PCDHA11: variants seen among roughly 807,000 people sequenced by gnomAD.
PCDHA11 encodes protocadherin alpha-11.
In PCDHA11, 61 loss-of-function variants were observed where a neutral mutation model predicts 70.3. The observed-to-expected ratio is 0.87, with a 90% CI of 0.71 to 1.07. The LOEUF is 1.07. Ranked by LOEUF, PCDHA11 falls within the 50% of genes least tolerant of loss-of-function variation. The pLI is 0.00. For synonymous variants in PCDHA11, 633 were observed against 555.1 expected (o/e 1.14, Z -1.97); for missense variants, 1,324 against 1,237.5 (o/e 1.07, Z -1.05).
At chr5:140,908,971 C>T (rs2074247509) in intron 1 of PCDHA11, among the ~76,000 whole-genome samples, 1 of 152,274 alleles carries the variant, frequency 6.6e-6, no homozygotes, top group Admixed American at 6.5e-5. Flanking sequence ...TGATAGGCCC[C>T]ACTCCACTGG....
At chr5:140,883,316 G>A in intron 1 of PCDHA11, 1 of 1,614,078 alleles carries the variant, frequency 6.2e-7, no homozygotes, top group East Asian at 2.2e-5. Context: ...CGCCCCAGAG[G>A]TTACCATCAC....
Position 140,870,919 on chromosome 5 carries a change from C to G in PCDHA11, c.1816C>G (p.Leu606Val). Residue 606 changes from leucine (L) to valine (V), a missense_variant, in exon 1 of 4, where the codon CTT becomes GTT. Leu to Val is a conservative substitution (Grantham distance 32, BLOSUM62 1). Transcript: ENST00000398640. ...VDADSGYNAW[L>V]SYELQPAAGG... ...TGCGGACTCAGGCTACAACGCGTGG[C>G]TTTCATATGAATTGCAGCCGGCGGC... 1 of 1,613,952 alleles carries G rather than the reference C, an allele frequency of 6.2e-7. No homozygotes were observed. Among genetic ancestry groups the G allele is most frequent in the South Asian group, 1.1e-5 (1 of 91,086 alleles).
chr5:140,941,942 T>C (rs2093203170), intron 1 of PCDHA11, among the ~76,000 whole-genome samples: 1 of 152,234 alleles, frequency 6.6e-6, no homozygotes, highest in African/African-American at 2.4e-5. Flanking sequence ...GAATTACTTT[T>C]GTTTTGAAAA....
intron 1 of PCDHA11, chr5:140,883,260 C>A (rs1554177345): frequency 6.2e-7 from 1 of 1,613,946 alleles, no homozygotes; most frequent in Non-Finnish European, 8.5e-7. Context: ...ATTCCAATGG[C>A]GGGTCATTGT....
At chr5:140,918,943 T>C (rs1554198839) in intron 1 of PCDHA11, among the ~76,000 whole-genome samples, 1 of 152,220 alleles carries the variant, frequency 6.6e-6, no homozygotes, top group Non-Finnish European at 1.5e-5. Context: ...TGTTATAATA[T>C]CCTGAACAGA....
At chr5:140,971,642 A>T (rs1586490477) in intron 1 of PCDHA11, among the ~76,000 whole-genome samples, 1 of 152,330 alleles carries the variant, frequency 6.6e-6, no homozygotes. Context: ...ATGTGCCTAC[A>T]TTAAAAGTAG....
chr5:140,877,463 C>T (rs782373755), intron 1 of PCDHA11: 1 of 1,613,772 alleles, frequency 6.2e-7, no homozygotes, highest in East Asian at 2.2e-5. Flanking sequence ...TCCACGGCCA[C>T]GGTGCTGGTG....
At chr5:140,875,828 T>G (rs1259125673) in intron 1 of PCDHA11, 10 of 1,614,196 alleles carry the variant, frequency 6.2e-6, no homozygotes, top group Middle Eastern at 1.6e-4. Context: ...GTTTTCCATG[T>G]GGACGTGGAG....
intron 1 of PCDHA11, chr5:140,884,564 A>C: frequency 6.2e-7 from 1 of 1,614,118 alleles, no homozygotes; most frequent in Non-Finnish European, 8.5e-7. Flanking sequence ...GGGCCCGCAT[A>C]AGACGGACCT....
intron 1 of PCDHA11, chr5:140,927,707 T>G (rs1224984801): frequency 6.2e-7 from 1 of 1,614,080 alleles, no homozygotes; most frequent in African/African-American, 1.3e-5. Flanking sequence ...CAGTACTCCC[T>G]AAGCAACAGC....
At chr5:140,967,957 C>A in intron 1 of PCDHA11, 1 of 1,614,222 alleles carries the variant, frequency 6.2e-7, no homozygotes, top group Admixed American at 1.7e-5. Context: ...CAGGCCCCAA[C>A]CGGAAAGTGA....
At chr5:140,914,562 C>A (rs2076761052) in intron 1 of PCDHA11, among the ~76,000 whole-genome samples, 1 of 152,190 alleles carries the variant, frequency 6.6e-6, no homozygotes, top group East Asian at 1.9e-4. Flanking sequence ...AGAGTTTAGT[C>A]CATTTACATT....
At chr5:141,007,395 C>CAAAAA (rs35800918) in intron 3 of PCDHA11, among the ~76,000 whole-genome samples, 20 of 94,830 alleles carry the variant, frequency 2.1e-4, no homozygotes, top group South Asian at 3.5e-4. Context: ...TACTAAAATA[C>CAAAAA]AAAAAAAAAA....
rs1197657289 is a variant in PCDHA11 at position 140,900,491 on chromosome 5, G to A, written c.2391+28997G>A. Among the ~76,000 whole-genome samples the A allele has an allele frequency of 2.6e-5, 4 of 152,160 alleles. No homozygotes were observed. The East Asian group carries it at 7.7e-4, about 29-fold the overall frequency. On this transcript the variant is annotated intron_variant, in intron 1 of 3. Transcript: ENST00000398640. ...GGAGTTTCTCCATGTTGGTCAGACT[G>A]GTCTCAAATTCCCAGCCTCAGGTGA...
intron 2 of PCDHA11, 91 bp from the exon 3 acceptor site, chr5:140,982,384 C>T (rs1245752901): frequency 6.3e-7 from 1 of 1,584,990 alleles, no homozygotes; most frequent in African/African-American, 1.3e-5. Context: ...GCAGCCCTGG[C>T]TTCATAGTTG....
At chr5:140,963,871 T>A (rs2095795562) in intron 1 of PCDHA11, among the ~76,000 whole-genome samples, 1 of 152,238 alleles carries the variant, frequency 6.6e-6, no homozygotes, top group Non-Finnish European at 1.5e-5. Context: ...GAGTTTTGCT[T>A]ACTATTGTTT....
intron 1 of PCDHA11, among the ~76,000 whole-genome samples, chr5:140,957,899 A>G (rs551066654): frequency 3.0e-4 from 46 of 152,226 alleles, no homozygotes; most frequent in African/African-American, 1.1e-3. Flanking sequence ...GCATCAACCA[A>G]GGCATATTGT....
chr5:140,969,168 C>T (rs1554231530), intron 1 of PCDHA11: 2 of 1,614,088 alleles, frequency 1.2e-6, no homozygotes, highest in Non-Finnish European at 1.7e-6. Flanking sequence ...ACAGCAGGCT[C>T]AGGGAGTGAC....
At chr5:140,871,627 G>A (rs1448842330) in intron 1 of PCDHA11, 133 bp downstream of exon 1, 32 of 1,398,812 alleles carry the variant, frequency 2.3e-5, no homozygotes, top group African/African-American at 4.4e-5. Flanking sequence ...AGATAACAAT[G>A]TCTGTTCATA....
Sources: gnomAD v4.1 joint callset for allele counts (sites outside exome capture counted in the v4.1 genomes callset) on GRCh38, gnomAD v4.1.1 for gene constraint, MANE v1.5 for transcripts, NCBI Gene and HGNC (gene_info 2026-07-23, HGNC 2026-07-21) for gene names.